Variants in HELZ observed in about 807,000 individuals in gnomAD.
HELZ encodes ATP-dependent RNA helicase with zinc finger domain.
In HELZ, 23 loss-of-function variants were observed where a neutral mutation model predicts 218.2. That is an observed-to-expected ratio of 0.11 (90% confidence interval 0.08 to 0.15). The LOEUF (loss-of-function observed/expected upper bound fraction) is 0.15, where lower values mean the gene tolerates loss of function less well. HELZ is among the 10% of genes least tolerant of loss of function. The pLI, the probability that HELZ is intolerant of heterozygous loss-of-function variation, is 1.00. For missense variants in HELZ, 1,813 were observed against 2,353.7 expected (o/e 0.77, Z 4.75); for synonymous variants, 814 against 829.4 (o/e 0.98, Z 0.32).
chr17:67,203,414 C>G lies in HELZ; in HGVS notation c.277G>C (p.Asp93His), dbSNP rs2040218581. 1 of 1,614,132 alleles carries G rather than the reference C, an allele frequency of 6.2e-7. No homozygotes were observed. Among genetic ancestry groups the G allele is most frequent in the Non-Finnish European group, 8.5e-7 (1 of 1,179,972 alleles). The change falls in exon 6 of 33, where the codon GAT becomes CAT. Residue 93 changes from aspartate (D) to histidine (H), a missense_variant. By Grantham distance (81) the Asp-to-His change is moderately conservative. Coordinates refer to ENST00000358691, the MANE Select transcript of HELZ (RefSeq NM_014877.4). ...CAGCAAAGCACTGCCCGAAAGGCAT[C>G]TTCTCCCTTGGCCAGTCCTTCTCCC... ...VLGEGLAKGE[D>H]AFRAVLCCMQ...
intron 32 of HELZ, among the ~76,000 whole-genome samples, chr17:67,084,999 G>A (rs1032224407): frequency 3.3e-5 from 5 of 152,124 alleles, no homozygotes; most frequent in African/African-American, 7.2e-5. Flanking sequence ...TCAGCTACTC[G>A]GGAGGCTGAG....
intron 32 of HELZ, among the ~76,000 whole-genome samples, chr17:67,085,541 A>G (rs2036342307): frequency 7.9e-6 from 1 of 126,186 alleles, no homozygotes; most frequent in South Asian, 3.1e-4. Flanking sequence ...AATAAAAGCA[A>G]AAGCTTTTAA....
intron 31 of HELZ, among the ~76,000 whole-genome samples, chr17:67,104,528 A>G (rs2037037598): frequency 6.6e-6 from 1 of 152,138 alleles, no homozygotes; most frequent in Non-Finnish European, 1.5e-5. Flanking sequence ...ATATGACACC[A>G]AAAGCATAAG....
At chr17:67,112,428 A>C (rs1462329738) in intron 28 of HELZ, among the ~76,000 whole-genome samples, 1 of 152,176 alleles carries the variant, frequency 6.6e-6, no homozygotes, top group Non-Finnish European at 1.5e-5. Flanking sequence ...GTGCAGGTGC[A>C]CCATCCTGAC....
intron 23 of HELZ, among the ~76,000 whole-genome samples, chr17:67,130,699 A>G (rs1479009256): frequency 6.6e-6 from 1 of 152,216 alleles, no homozygotes; most frequent in Non-Finnish European, 1.5e-5. Flanking sequence ...TAATAAGAAT[A>G]GCCACAATAT....
chr17:67,205,992 T>C (rs2040286894), intron 5 of HELZ, among the ~76,000 whole-genome samples: 1 of 152,242 alleles, frequency 6.6e-6, no homozygotes, highest in Non-Finnish European at 1.5e-5. Flanking sequence ...CCTGCTACTG[T>C]ATCGTATAAC....
chr17:67,149,152 C>G (rs1207651781), intron 19 of HELZ, among the ~76,000 whole-genome samples: 1 of 152,144 alleles, frequency 6.6e-6, no homozygotes, highest in African/African-American at 2.4e-5. Context: ...CCCTCTTGAT[C>G]TTATGAAGTA....
rs1272321676 is a variant in HELZ at position 67,136,127 on chromosome 17, T to C, written c.3025A>G (p.Ile1009Val). The C allele has an allele frequency of 6.2e-7, 1 of 1,614,042 alleles. No individual in the cohort carries two copies. Among genetic ancestry groups the C allele is most frequent in the East Asian group, 2.2e-5 (1 of 44,864 alleles). Residue 1009 changes from isoleucine (I) to valine (V), a missense_variant, in exon 23 of 33, where the codon ATT (isoleucine) becomes GTT (valine). Around this residue, in one of 4 missense-constraint regions of HELZ, gnomAD observed 156 missense variants for 274.4 expected, o/e 0.57. Coordinates refer to ENST00000358691, the MANE Select transcript of HELZ (RefSeq NM_014877.4). ...RHTCKHKQTP[I>V]KKKEQLLEDS... is the part of the protein sequence containing the mutation. ...TCCAGAAGTTGCTCTTTCTTTTTAATTGGTGTCTGTTTATGTTTACAAGTA... is the reference window on the plus strand; with the variant it reads ...TCCAGAAGTTGCTCTTTCTTTTTAACTGGTGTCTGTTTATGTTTACAAGTA...
intron 12 of HELZ, among the ~76,000 whole-genome samples, chr17:67,187,829 G>A (rs925626370): frequency 1.3e-5 from 2 of 152,128 alleles, no homozygotes; most frequent in Admixed American, 1.3e-4. Context: ...GGCACCCTTG[G>A]CCTCCTTAAC....
chr17:67,197,609 C>A (rs2040065219), intron 7 of HELZ, among the ~76,000 whole-genome samples: 1 of 152,176 alleles, frequency 6.6e-6, no homozygotes, highest in Non-Finnish European at 1.5e-5. Flanking sequence ...GAGCCTTGAA[C>A]AGCACAGGTG....
intron 31 of HELZ, among the ~76,000 whole-genome samples, chr17:67,095,027 A>G (rs1181299956): frequency 6.6e-6 from 1 of 152,192 alleles, no homozygotes; most frequent in African/African-American, 2.4e-5. Flanking sequence ...AGATTTCCTT[A>G]TAGCACACAA....
chr17:67,165,279 G>A (rs190088248), intron 15 of HELZ, among the ~76,000 whole-genome samples: 100 of 152,310 alleles, frequency 6.6e-4, no homozygotes, highest in Non-Finnish European at 6.0e-4. Flanking sequence ...GTTTTGTGTT[G>A]TAACGCATAT....
intron 3 of HELZ, among the ~76,000 whole-genome samples, chr17:67,223,241 C>G (rs2040798507): frequency 6.6e-6 from 1 of 151,822 alleles, no homozygotes; most frequent in African/African-American, 2.4e-5. Context: ...GCCTGGGCAA[C>G]AGAGCGAGAT....
intron 1 of HELZ, chr17:67,244,775 CGGA>C: frequency 1.0e-6 from 1 of 985,164 alleles, no homozygotes; most frequent in Non-Finnish European, 1.2e-6. Flanking sequence ...AGCCGCGACC[CGGA>C]GGAGGGGAAC....
chr17:67,092,136 C>T (rs992931452), intron 31 of HELZ, among the ~76,000 whole-genome samples: 1 of 152,140 alleles, frequency 6.6e-6, no homozygotes, highest in Non-Finnish European at 1.5e-5. Context: ...TGATAAATTA[C>T]AAAATCATTT....
chr17:67,213,628 AT>A (rs1423116260), intron 5 of HELZ, among the ~76,000 whole-genome samples: 8 of 152,198 alleles, frequency 5.3e-5, no homozygotes, highest in African/African-American at 9.7e-5. Context: ...CTCAAAAAAA[AT>A]AAATAAAATA....
At chr17:67,173,206 A>C (rs1297217813) in intron 13 of HELZ, 1 of 165,554 alleles carries the variant, frequency 6.0e-6, no homozygotes, top group East Asian at 1.9e-4. Context: ...ACTAATAATT[A>C]ATTTGTATAA....
intron 17 of HELZ, among the ~76,000 whole-genome samples, chr17:67,157,889 C>T (rs1354911297): frequency 6.6e-6 from 1 of 152,134 alleles, no homozygotes; most frequent in Non-Finnish European, 1.5e-5. Flanking sequence ...CCATAGATGA[C>T]CTCTATCTGC....
chr17:67,178,231 T>C (rs2039512748), intron 13 of HELZ, among the ~76,000 whole-genome samples: 1 of 152,208 alleles, frequency 6.6e-6, no homozygotes, highest in Non-Finnish European at 1.5e-5. Context: ...TATTAACCCG[T>C]TTTCCTGAAA....
Sources: allele counts gnomAD v4.1 joint callset (sites outside exome capture counted in the v4.1 genomes callset), GRCh38; gene constraint gnomAD v4.1.1; regional missense constraint gnomAD v4.1.1; transcripts MANE v1.5; gene names NCBI Gene and HGNC (gene_info 2026-07-23, HGNC 2026-07-21).